MTRR: variants seen among roughly 807,000 people sequenced by gnomAD.
The protein encoded by MTRR is 5-methyltetrahydrofolate-homocysteine methyltransferase reductase, also known as methionine synthase reductase.
MTRR carries 63 observed loss-of-function variants against 79.2 expected under a neutral mutation model. That is an observed-to-expected ratio of 0.80 (90% CI 0.65 to 0.98). MTRR has a LOEUF of 0.98. MTRR is among the 50% of genes least tolerant of loss of function. MTRR has a pLI of 0.00. For synonymous variants in MTRR, 355 were observed against 313.3 expected, an observed-to-expected ratio of 1.13 and a Z score of -1.41; for missense variants, 895 against 839.6, an observed-to-expected ratio of 1.07 and a Z score of -0.82.
intron 7 of MTRR, among the ~76,000 whole-genome samples, chr5:7,886,163 ATTATG>A (rs1736392104): frequency 6.6e-6 from 1 of 152,094 alleles, no homozygotes; most frequent in African/African-American, 2.4e-5. Context: ...TTCTTTTCCT[ATTATG>A]TTTACTTCTC....
At chr5:7,879,212 T>G (rs1735116326) in intron 5 of MTRR, among the ~76,000 whole-genome samples, 1 of 152,186 alleles carries the variant, frequency 6.6e-6, no homozygotes, top group African/African-American at 2.4e-5. Context: ...GCAGTAAGTG[T>G]ATCTCAGTCT....
upstream of MTRR, chr5:7,866,644 A>C (rs1579557276): frequency 4.5e-6 from 7 of 1,567,830 alleles, no homozygotes; most frequent in Non-Finnish European, 6.0e-6. Flanking sequence ...TAACCAACTC[A>C]CCTTGCAGCC....
At chr5:7,861,545 G>C in intron 1 of MTRR, 1 of 1,405,924 alleles carries the variant, frequency 7.1e-7, no homozygotes, top group Non-Finnish European at 9.5e-7. Context: ...TAGCCTCAAC[G>C]AGTCTTGTAA....
In MTRR at chr5:7,883,147, T is replaced by C. The variant is rs1355756556; in HGVS notation, c.781-8T>C. On this transcript the variant is annotated splice_polypyrimidine_tract_variant and splice_region_variant and intron_variant, in intron 5 of 14. Coordinates refer to ENST00000440940, the MANE Select transcript of MTRR (RefSeq NM_002454.3). ...TGCACTTACGTTTTGTCACATTTGT[T>C]TTTCAAGGAGGAAAGCCAAGTATCT... 6.2e-7 allele frequency: 1 copy of C among 1,614,200 alleles called. No homozygotes were observed. The highest frequency in any genetic ancestry group is 1.1e-5 in the South Asian group (1 of 91,084).
intron 3 of MTRR, among the ~76,000 whole-genome samples, chr5:7,874,311 T>G (rs13181011): frequency 6.6e-6 from 1 of 152,094 alleles, no homozygotes; most frequent in African/African-American, 2.4e-5. Context: ...AATAACTGAT[T>G]AGAAATTTGA....
intron 1 of MTRR, chr5:7,861,721 C>T: frequency 1.3e-6 from 2 of 1,552,390 alleles, no homozygotes; most frequent in Non-Finnish European, 8.7e-7. Context: ...TGTATTCATT[C>T]CTTTGCTTTG....
chr5:7,857,856 G>T (rs1389587745), intron 1 of MTRR, among the ~76,000 whole-genome samples: 1 of 152,246 alleles, frequency 6.6e-6, no homozygotes, highest in South Asian at 2.1e-4. Flanking sequence ...GGCTGTAAGT[G>T]AAAACTGCAG....
chr5:7,862,756 C>A, intron 2 of MTRR: 1 of 1,342,718 alleles, frequency 7.4e-7, no homozygotes, highest in South Asian at 1.3e-5. Flanking sequence ...GCTTCTAAGT[C>A]CCATATATCT....
At chr5:7,869,363 G>A (rs1296543624) in intron 1 of MTRR, 148 bp downstream of exon 1, 3 of 833,856 alleles carry the variant, frequency 3.6e-6, no homozygotes, top group Admixed American at 4.7e-5. Flanking sequence ...CCGCGGGCGC[G>A]GGCTGGGGCT....
intron 4 of MTRR, among the ~76,000 whole-genome samples, chr5:7,876,122 A>G (rs1734515175): frequency 1.3e-5 from 2 of 152,216 alleles, no homozygotes; most frequent in African/African-American, 4.8e-5. Flanking sequence ...TCTGTTTATG[A>G]GAAAATTACA....
chr5:7,875,815 G>T (rs1734455342), intron 4 of MTRR, among the ~76,000 whole-genome samples: 1 of 152,258 alleles, frequency 6.6e-6, no homozygotes, highest in Admixed American at 6.5e-5. Flanking sequence ...GCTGCAGGCT[G>T]CATTGCTTGG....
intron 2 of MTRR, among the ~76,000 whole-genome samples, chr5:7,863,836 C>CT (rs891216906): frequency 1.3e-5 from 2 of 151,092 alleles, no homozygotes; most frequent in South Asian, 2.1e-4. Context: ...ACTTTTTTAC[C>CT]TTTTTTTTTG....
At chr5:7,863,159 A>C in intron 2 of MTRR, 1 of 652,276 alleles carries the variant, frequency 1.5e-6, no homozygotes, top group Non-Finnish European at 2.7e-6. Flanking sequence ...TGATAATGCA[A>C]ACTTCTCTTC....
chr5:7,879,182 A>C lies in MTRR; in HGVS notation c.780+860A>C, dbSNP rs535214427. On this transcript the variant is annotated intron_variant, in intron 5 of 14. Coordinates refer to ENST00000440940, the MANE Select transcript of MTRR (RefSeq NM_002454.3). ...GCACTTGTACTTCATTATTTTGTGA[A>C]TTGTTTAAGTGAGATAATTGCAGTA... Among the ~76,000 whole-genome samples the C allele has an allele frequency of 1.6e-4, 24 of 152,216 alleles. No individual in the cohort carries two copies. In the South Asian group the frequency reaches 4.6e-3, roughly 29 times the overall value.
At chr5:7,899,160 C>T (rs771645221) in intron 14 of MTRR, among the ~76,000 whole-genome samples, 29 of 152,226 alleles carry the variant, frequency 1.9e-4, no homozygotes, top group Admixed American at 2.6e-4. Context: ...ATTCATGAGG[C>T]ATCTGCCCCC....
Position 7,896,886 on chromosome 5 carries a change from C to T in MTRR, c.1699C>T (p.Pro567Ser), listed in dbSNP as rs1738614817. ...QHREKLQEQH[P>S]DGNFGAMWLF... Reference sequence around the variant, plus strand: ...TAGAGAGAAACTCCAAGAACAACACCCAGATGGAAATTTTGGAGCAATGTG... The same window carrying T: ...TAGAGAGAAACTCCAAGAACAACACTCAGATGGAAATTTTGGAGCAATGTG... The change falls in exon 13 of 15, where the codon CCA becomes TCA. Residue 567 changes from proline to serine, a missense_variant. Transcript: ENST00000440940. 6.2e-7 allele frequency: 1 copy of T among 1,613,752 alleles called. No homozygotes were observed. Among genetic ancestry groups the T allele is most frequent in the South Asian group, 1.1e-5 (1 of 91,064 alleles).
intron 1 of MTRR, chr5:7,869,620 C>T (rs909271022): frequency 4.0e-5 from 10 of 248,070 alleles, no homozygotes; most frequent in Admixed American, 2.3e-4. Context: ...CGGCGGGACG[C>T]GGCCGTGAGT....
intron 9 of MTRR, 81 bp from the exon 10 acceptor site, chr5:7,891,289 ATT>A (rs71591748): frequency 0.086 from 30,959 of 360,248 alleles, 109 homozygotes; most frequent in Middle Eastern, 0.11. Flanking sequence ...AAGACATGGA[ATT>A]TTTTTTTTTT....
In MTRR at chr5:7,875,291, A is replaced by G. The variant is rs763568058; in HGVS notation, c.317A>G (p.Asn106Ser). The change falls in exon 4 of 15, where the codon AAT becomes AGT. Residue 106 changes from asparagine to serine, a missense_variant. Asn to Ser is a conservative substitution (Grantham distance 46). Transcript: ENST00000440940. ...GATTCAGAATACACCTACTTTTGCA[A>G]TGGGGGGAAGATAATTGATAAACGA... is the stretch of plus-strand genomic sequence containing the variant. ...LGDSEYTYFCNGGKIIDKRLQ... is the reference protein window; with the variant it reads ...LGDSEYTYFCSGGKIIDKRLQ... 5.0e-6 allele frequency: 8 copies of G among 1,613,800 alleles called. No homozygotes were observed. In the Admixed American group the frequency reaches 8.3e-5, roughly 17 times the overall value.
Sources: allele counts gnomAD v4.1 joint callset (sites outside exome capture counted in the v4.1 genomes callset), GRCh38; gene constraint gnomAD v4.1.1; transcripts MANE v1.5; gene names NCBI Gene and HGNC (gene_info 2026-07-23, HGNC 2026-07-21).